Variants in DLG2 observed in about 807,000 individuals in gnomAD.
The protein encoded by DLG2 is disks large homolog 2.
In DLG2, 45 loss-of-function variants were observed where a neutral mutation model predicts 132.5. The ratio of observed to expected loss-of-function variants is 0.34; its 90% confidence interval spans 0.27 to 0.44. The LOEUF (loss-of-function observed/expected upper bound fraction) is 0.44, where lower values mean the gene tolerates loss of function less well. DLG2 is among the 20% of genes least tolerant of loss of function. The probability of loss-of-function intolerance (pLI) is 1.00; values close to 1 mark genes in which losing one functional copy is unlikely to be tolerated. For synonymous variants in DLG2, 424 were observed against 419.6 expected (o/e 1.01, Z -0.13); for missense variants, 1,045 against 1,196.9 (o/e 0.87, Z 1.87).
intron 10 of DLG2, among the ~76,000 whole-genome samples, chr11:84,071,059 T>A (rs947834226): frequency 1.4e-4 from 22 of 152,292 alleles, no homozygotes; most frequent in African/African-American, 4.8e-4. Flanking sequence ...ATTTTTATTT[T>A]AAAATTTTTC....
intron 3 of DLG2, among the ~76,000 whole-genome samples, chr11:85,313,983 G>C (rs780897768): frequency 6.6e-6 from 1 of 151,900 alleles, no homozygotes; most frequent in Non-Finnish European, 1.5e-5. Flanking sequence ...AAATTTCACA[G>C]CAAAAGTTGT....
At chr11:85,380,817 T>G (rs1351013084) in intron 3 of DLG2, among the ~76,000 whole-genome samples, 2 of 152,202 alleles carry the variant, frequency 1.3e-5, no homozygotes, top group Non-Finnish European at 2.9e-5. Flanking sequence ...ACAACACTTA[T>G]AGGAGTCCAG....
chr11:85,104,540 T>C (rs1457991435), intron 6 of DLG2, among the ~76,000 whole-genome samples: 1 of 151,768 alleles, frequency 6.6e-6, no homozygotes, highest in East Asian at 1.9e-4. Flanking sequence ...TAGTGGTTTG[T>C]AAGAGCTGGG....
chr11:83,719,535 G>T (rs188234692), intron 18 of DLG2, among the ~76,000 whole-genome samples: 13 of 152,320 alleles, frequency 8.5e-5, no homozygotes, highest in African/African-American at 3.1e-4. Flanking sequence ...GGCAAAAGGG[G>T]AAGGTTAGCG....
intron 6 of DLG2, among the ~76,000 whole-genome samples, chr11:84,551,527 T>C (rs1008205847): frequency 6.6e-6 from 1 of 152,256 alleles, no homozygotes; most frequent in Non-Finnish European, 1.5e-5. Flanking sequence ...AGCCTTAATT[T>C]ATTTAATCCT....
chr11:84,008,933 T>TG (rs1370648629), intron 11 of DLG2, among the ~76,000 whole-genome samples: 4 of 150,006 alleles, frequency 2.7e-5, no homozygotes, highest in African/African-American at 1.0e-4. Context: ...GTTTTTTTTT[T>TG]TTGTTGTTGT....
In DLG2 at chr11:85,131,719, G is replaced by T. The variant is rs142733304; in HGVS notation, c.283-19984C>A. ...AAGATATCCATTATGATTTTCTGGG[G>T]CTTCATTTGTAAAAGTAATATATTT... On this transcript the variant is annotated intron_variant, in intron 5 of 27. Transcript: ENST00000376104. Among the ~76,000 whole-genome samples the T allele has an allele frequency of 7.9e-5, 12 of 152,198 alleles. No homozygotes were observed. The South Asian group carries it at 2.3e-3, about 29-fold the overall frequency.
At chr11:84,758,216 T>C (rs1048382131) in intron 6 of DLG2, among the ~76,000 whole-genome samples, 2 of 152,330 alleles carry the variant, frequency 1.3e-5, no homozygotes, top group South Asian at 2.1e-4. Flanking sequence ...TTGGGCAAAA[T>C]TTTACTGTGT....
chr11:84,307,854 C>G (rs1449789628), intron 7 of DLG2, among the ~76,000 whole-genome samples: 1 of 151,932 alleles, frequency 6.6e-6, no homozygotes, highest in Non-Finnish European at 1.5e-5. Context: ...AGGAGTGAAG[C>G]TGCGGACCTT....
At chr11:85,141,633 C>A (rs930550361) in intron 5 of DLG2, among the ~76,000 whole-genome samples, 1 of 151,826 alleles carries the variant, frequency 6.6e-6, no homozygotes, top group Non-Finnish European at 1.5e-5. Context: ...TTTGCCCAGA[C>A]CAATGTCCTA....
chr11:84,297,087 A>C (rs1022606177), intron 7 of DLG2, among the ~76,000 whole-genome samples: 35 of 151,818 alleles, frequency 2.3e-4, no homozygotes, highest in Middle Eastern at 3.4e-3. Flanking sequence ...AATTGACTTC[A>C]TAAGATCAAT....
intron 6 of DLG2, among the ~76,000 whole-genome samples, chr11:84,566,633 A>C (rs1315444553): frequency 6.6e-6 from 1 of 152,208 alleles, no homozygotes; most frequent in Non-Finnish European, 1.5e-5. Context: ...AAAATATCAG[A>C]GGAAATCCTC....
At position 84,896,513 on chromosome 11, in the gene DLG2, A is replaced by T. The variant is rs146539233; in HGVS notation, c.357+215148T>A. The stretch of plus-strand genomic sequence containing the variant: ...CAAGTATTTACTGAGTAACAATGAT[A>T]AATAGTAATTGTATCAATAATAACA... On this transcript the variant is annotated intron_variant, in intron 6 of 27. Transcript: ENST00000376104. Among the ~76,000 whole-genome samples the T allele has an allele frequency of 4.3e-3, 651 of 152,210 alleles. 10 individuals are homozygous for T. The highest frequency in any genetic ancestry group is 0.015 in the African/African-American group (641 of 41,580).
chr11:85,223,951 C>T (rs1565181369), intron 4 of DLG2, among the ~76,000 whole-genome samples: 2 of 152,068 alleles, frequency 1.3e-5, no homozygotes, highest in Admixed American at 6.6e-5. Flanking sequence ...CTGGGACAGA[C>T]TGCTTGGGTT....
intron 18 of DLG2, among the ~76,000 whole-genome samples, chr11:83,776,819 A>G (rs2094599402): frequency 6.6e-6 from 1 of 152,158 alleles, no homozygotes; most frequent in South Asian, 2.1e-4. Context: ...AGATTAAAGA[A>G]AGTATTATTC....
At chr11:84,120,059 T>G (rs10898207) in intron 9 of DLG2, among the ~76,000 whole-genome samples, 27 of 152,198 alleles carry the variant, frequency 1.8e-4, no homozygotes, top group African/African-American at 5.5e-4. Context: ...TTCAACTTCA[T>G]TTCATCCAAA....
chr11:83,671,025 A>G (rs2076741967), intron 18 of DLG2, among the ~76,000 whole-genome samples: 1 of 152,186 alleles, frequency 6.6e-6, no homozygotes, highest in South Asian at 2.1e-4. Context: ...TGTACATATT[A>G]TATTTAAAAA....
intron 6 of DLG2, among the ~76,000 whole-genome samples, chr11:84,656,778 A>AT (rs2099688831): frequency 6.6e-6 from 1 of 152,226 alleles, no homozygotes; most frequent in South Asian, 2.1e-4. Context: ...GGGACATAAG[A>AT]TTATCTCTCT....
chr11:84,299,516 G>A (rs192029987), intron 7 of DLG2, among the ~76,000 whole-genome samples: 41 of 152,276 alleles, frequency 2.7e-4, no homozygotes, highest in Non-Finnish European at 4.4e-4. Context: ...TGGATCTGGT[G>A]ATGACTTCCT....
Sources: allele counts gnomAD v4.1 joint callset (sites outside exome capture counted in the v4.1 genomes callset), GRCh38; gene constraint gnomAD v4.1.1; transcripts MANE v1.5; gene names NCBI Gene and HGNC (gene_info 2026-07-23, HGNC 2026-07-21).